Variants in INSYN2A observed in about 807,000 individuals in gnomAD.
INSYN2A encodes inhibitory synaptic factor 2A.
INSYN2A carries 17 observed loss-of-function variants against 39.4 expected under a neutral mutation model. The observed-to-expected ratio is 0.43, with a 90% CI of 0.30 to 0.65. INSYN2A has a LOEUF of 0.65. Ranked by LOEUF, INSYN2A falls within the 30% of genes least tolerant of loss-of-function variation. INSYN2A has a pLI of 0.14. For missense variants in INSYN2A, 595 were observed against 631.2 expected (o/e 0.94, Z 0.61); for synonymous variants, 255 against 265.7 (o/e 0.96, Z 0.39).
intron 2 of INSYN2A, among the ~76,000 whole-genome samples, chr10:127,187,728 G>GAGAA (rs199545105): frequency 1.4e-3 from 166 of 119,430 alleles, no homozygotes; most frequent in African/African-American, 4.1e-3. Context: ...AGAAGAAAGA[G>GAGAA]AGAAAGAAAG....
chr10:127,179,686 TG>T (rs1564876750), intron 2 of INSYN2A, among the ~76,000 whole-genome samples: 1 of 152,198 alleles, frequency 6.6e-6, no homozygotes. Context: ...AAAATGATTT[TG>T]TTATGAAAGG....
chr10:127,184,339 C>G (rs1261024880), intron 2 of INSYN2A, among the ~76,000 whole-genome samples: 4 of 145,568 alleles, frequency 2.7e-5, no homozygotes, highest in African/African-American at 1.1e-4. Flanking sequence ...TCCCCCAAAT[C>G]AGTCGTCACC....
chr10:127,150,257 T>C (rs908567034), intron 5 of INSYN2A, among the ~76,000 whole-genome samples: 2 of 152,212 alleles, frequency 1.3e-5, no homozygotes, highest in Non-Finnish European at 1.5e-5. Context: ...ACTTCTATTC[T>C]TAAGCTTCTG....
intron 5 of INSYN2A, among the ~76,000 whole-genome samples, chr10:127,150,308 G>A (rs2052364995): frequency 6.6e-6 from 1 of 152,154 alleles, no homozygotes; most frequent in South Asian, 2.1e-4. Context: ...CAAGCTGCGA[G>A]GTCATCCAGC....
At chr10:127,154,487 A>G (rs2052839381) in intron 4 of INSYN2A, among the ~76,000 whole-genome samples, 1 of 152,266 alleles carries the variant, frequency 6.6e-6, no homozygotes, top group Non-Finnish European at 1.5e-5. Context: ...GTCCATGAAT[A>G]AAGTTTTTAC....
intron 5 of INSYN2A, among the ~76,000 whole-genome samples, chr10:127,152,743 T>G (rs2052630342): frequency 6.6e-6 from 1 of 152,224 alleles, no homozygotes; most frequent in East Asian, 1.9e-4. Context: ...AATGGCCCAT[T>G]GGTTCAGAAC....
At chr10:127,174,747 A>G (rs1892134) in intron 4 of INSYN2A, among the ~76,000 whole-genome samples, 75,496 of 152,038 alleles carry the variant, frequency 0.5, 20,539 homozygotes, top group East Asian at 0.75. Context: ...TCAATTATTT[A>G]TTATAAGCAA....
At chr10:127,149,581 G>A (rs935521541) in intron 5 of INSYN2A, among the ~76,000 whole-genome samples, 8 of 152,134 alleles carry the variant, frequency 5.3e-5, no homozygotes, top group African/African-American at 7.2e-5. Flanking sequence ...CTGGAAACAC[G>A]GTGGATAGCT....
chr10:127,137,568 A>T lies in INSYN2A; in HGVS notation c.*269T>A. ...AGATCGGGGGTGGGGGAAAATTTTT[A>T]CTTATCATCTTTGACTACGTAAGTT... is the stretch of plus-strand genomic sequence containing the variant. On this transcript the variant is annotated 3_prime_UTR_variant, in exon 6 of 6. Transcript: ENST00000522781. 2.9e-6 allele frequency: 1 copy of T among 347,010 alleles called. No homozygotes were observed. The highest frequency in any genetic ancestry group is 5.2e-6 in the Non-Finnish European group (1 of 192,580). The allele number at this position is 347,010 out of a possible 1,614,324, so 21.5% of individuals were successfully genotyped here. A position where few individuals can be genotyped will look rare whatever the true frequency, so the allele number is the denominator to read the frequency against.
At chr10:127,153,533 G>A (rs2052717021) in intron 5 of INSYN2A, among the ~76,000 whole-genome samples, 1 of 152,282 alleles carries the variant, frequency 6.6e-6, no homozygotes, top group African/African-American at 2.4e-5. Flanking sequence ...AAGGGCCTAT[G>A]TTTTACAGCC....
At chr10:127,140,619 C>CGGTTGAGTTTGACCCACCAAGTCTCTG (rs2051139811) in intron 5 of INSYN2A, among the ~76,000 whole-genome samples, 2 of 48,244 alleles carry the variant, frequency 4.1e-5, no homozygotes, top group Admixed American at 2.5e-4. Context: ...CCAAGTCTCT[C>CGGTTGAGTTTGACCCACCAAGTCTCTG]GGTTGAGTTT....
In INSYN2A at chr10:127,137,771, G is replaced by A. The variant is rs755328138; in HGVS notation, c.*66C>T. On this transcript the variant is annotated 3_prime_UTR_variant, in exon 6 of 6. Coordinates refer to ENST00000522781, the MANE Select transcript of INSYN2A (RefSeq NM_001039762.3). ...AGTTCCCTCGATCCTATTCATTTTG[G>A]AAAAGTATTGACTTAAACTCCAGTG... 9.3e-5 allele frequency: 135 copies of A among 1,448,372 alleles called. No homozygotes were observed. The highest frequency in any genetic ancestry group is 1.2e-4 in the Non-Finnish European group (123 of 1,068,594). The allele number at this position is 1,448,372 out of a possible 1,614,324, so 89.7% of individuals were successfully genotyped here.
At position 127,196,062 on chromosome 10, in the gene INSYN2A, C is replaced by T. The variant is rs1297920937; in HGVS notation, c.-460G>A. On this transcript the variant is annotated 5_prime_UTR_variant, in exon 1 of 6. Coordinates refer to ENST00000522781, the MANE Select transcript of INSYN2A (RefSeq NM_001039762.3). Reference sequence around the variant, plus strand: ...TGGCTCGGGCATGTCTCGCTGCGGACCCTGGCAAGCCTGGGGCGGCACGGA... The same window carrying T: ...TGGCTCGGGCATGTCTCGCTGCGGATCCTGGCAAGCCTGGGGCGGCACGGA... 5 of 152,158 alleles carry T rather than the reference C, an allele frequency of 3.3e-5. No individual in the cohort carries two copies. Among genetic ancestry groups the T allele is most frequent in the Non-Finnish European group, 7.3e-5 (5 of 68,086 alleles). The allele number at this position is 152,158 out of a possible 1,614,324, so 9.4% of individuals were successfully genotyped here.
In INSYN2A at chr10:127,175,909, C is replaced by T. The variant is rs370158282; in HGVS notation, c.487G>A (p.Gly163Ser). 24 of 1,614,210 alleles carry T rather than the reference C, an allele frequency of 1.5e-5. No individual in the cohort carries two copies. In the East Asian group the frequency reaches 4.0e-4, roughly 27 times the overall value. Reference sequence around the variant, plus strand: ...GTGGTCTTGTGCACCCGCCCCGCGCCACATGGCCGGGCCTCCTCCATGGGT... The same window carrying T: ...GTGGTCTTGTGCACCCGCCCCGCGCTACATGGCCGGGCCTCCTCCATGGGT... Reference protein sequence around the residue: ...AGPMEEARPCGAGRVHKTTAL... With the variant: ...AGPMEEARPCSAGRVHKTTAL... Residue 163 changes from glycine (G) to serine (S), a missense_variant, in exon 4 of 6, where the codon GGC (glycine) becomes AGC (serine). This residue lies in a region of INSYN2A where 478 missense variants were observed against 467.4 expected (regional missense o/e 1.02). Transcript: ENST00000522781. This position sits in a 1 kb window ranked among gnomAD's most constrained non-coding sequence, Gnocchi z 6.3.
intron 5 of INSYN2A, 97 bp downstream of exon 5, chr10:127,153,748 TGATAGAA>T: frequency 2.3e-6 from 2 of 875,196 alleles, no homozygotes; most frequent in African/African-American, 1.7e-5. Context: ...ACTTTTTGTC[TGATAGAA>T]TCATCCCAGC....
intron 4 of INSYN2A, among the ~76,000 whole-genome samples, chr10:127,172,320 C>T (rs1207612623): frequency 1.3e-5 from 2 of 152,132 alleles, no homozygotes; most frequent in Admixed American, 6.5e-5. Flanking sequence ...CCATGGAAAT[C>T]AGCAGATGCT....
intron 4 of INSYN2A, among the ~76,000 whole-genome samples, chr10:127,154,786 C>T (rs2052876275): frequency 6.6e-6 from 1 of 152,164 alleles, no homozygotes; most frequent in Admixed American, 6.5e-5. Flanking sequence ...TAATAATGAT[C>T]TTGGGGTCTT....
intron 5 of INSYN2A, among the ~76,000 whole-genome samples, chr10:127,139,734 A>G (rs1460022492): frequency 2.0e-5 from 3 of 152,234 alleles, no homozygotes; most frequent in South Asian, 2.1e-4. Flanking sequence ...TTAAACTTCA[A>G]TTCTTTCACT....
rs148184701 is a variant in INSYN2A at position 127,193,400 on chromosome 10, C to T, written c.-394-670G>A. Among the ~76,000 whole-genome samples the T allele has an allele frequency of 5.3e-4, 80 of 152,266 alleles. No individual in the cohort carries two copies. The East Asian group carries it at 7.2e-3, about 14-fold the overall frequency. On this transcript the variant is annotated intron_variant, in intron 1 of 5. Transcript: ENST00000522781. ...AGCATCCTTCACAAGCGTTAAAATC[C>T]GTGGTGAACCTGTCACTGCCCTCCT...
Sources: gnomAD v4.1 joint callset for allele counts (sites outside exome capture counted in the v4.1 genomes callset) on GRCh38, gnomAD v4.1.1 for gene constraint, gnomAD v4.1.1 regional missense constraint, Gnocchi (gnomAD v3.1) non-coding constraint, MANE v1.5 for transcripts, NCBI Gene and HGNC (gene_info 2026-07-23, HGNC 2026-07-21) for gene names.